Variants in XDH observed in about 807,000 individuals in gnomAD.
XDH encodes xanthine dehydrogenase/oxidase.
XDH carries 138 observed loss-of-function variants against 156.1 expected under a neutral mutation model. That is an observed-to-expected ratio of 0.88 (90% CI 0.77 to 1.02). XDH has a LOEUF of 1.02. Ranked by LOEUF, XDH falls within the 50% of genes least tolerant of loss-of-function variation. The pLI, the probability that XDH is intolerant of heterozygous loss-of-function variation, is 0.00. For synonymous variants in XDH, 669 were observed against 625.7 expected (o/e 1.07, Z -1.03); for missense variants, 1,849 against 1,684.9 (o/e 1.10, Z -1.71).
chr2:31,405,684 G>C (rs933973423), intron 2 of XDH, among the ~76,000 whole-genome samples: 1 of 152,096 alleles, frequency 6.6e-6, no homozygotes, highest in Non-Finnish European at 1.5e-5. Flanking sequence ...GAGTCTTAGC[G>C]GGGAGACACC....
Position 31,368,676 on chromosome 2 carries a change from G to T in XDH, c.1981-16C>A, listed in dbSNP as rs1685989042. The T allele has an allele frequency of 6.2e-7, 1 of 1,614,088 alleles. No individual in the cohort carries two copies. Among genetic ancestry groups the T allele is most frequent in the South Asian group, 1.1e-5 (1 of 91,082 alleles). ...CACAAGTAACCTAGTAGCAGAGACA[G>T]ACTGTTAAAGAACGCAACCAGGCTC... On this transcript the variant is annotated splice_polypyrimidine_tract_variant and intron_variant, in intron 18 of 35. Coordinates refer to ENST00000379416, the MANE Select transcript of XDH (RefSeq NM_000379.4).
intron 26 of XDH, 151 bp downstream of exon 26, chr2:31,349,535 A>AGATCTTACAAT: frequency 1.7e-6 from 2 of 1,153,032 alleles, no homozygotes; most frequent in Non-Finnish European, 2.6e-6. Context: ...GATCATTATA[A>AGATCTTACAAT]GATCTTAAAG....
Position 31,337,658 on chromosome 2 carries a change from C to G in XDH, c.3934G>C (p.Asp1312His). 1 of 1,614,142 alleles carries G rather than the reference C, an allele frequency of 6.2e-7. No homozygotes were observed. The highest frequency in any genetic ancestry group is 8.5e-7 in the Non-Finnish European group (1 of 1,180,040). The stretch of plus-strand genomic sequence containing the variant: ...CATCATACCAGGGTGGTGAACTTGT[C>G]CACGCAGGCATTGCGGATCTTCTCC... ...TPEKIRNACV[D>H]KFTTLCVTGV... The change falls in exon 35 of 36, where the codon GAC (aspartate) becomes CAC (histidine). Residue 1312 changes from aspartate to histidine, a missense_variant. Physicochemically the swap from Asp to His is moderately conservative, Grantham distance 81 (BLOSUM62 -1). Coordinates refer to ENST00000379416, the MANE Select transcript of XDH (RefSeq NM_000379.4).
intron 4 of XDH, among the ~76,000 whole-genome samples, chr2:31,399,381 A>G (rs1256006799): frequency 6.6e-6 from 1 of 152,202 alleles, no homozygotes; most frequent in Non-Finnish European, 1.5e-5. Context: ...GACTGAGCAG[A>G]GGAGGAGCAA....
intron 33 of XDH, among the ~76,000 whole-genome samples, chr2:31,340,278 G>T (rs1572508288): frequency 6.6e-6 from 1 of 152,158 alleles, no homozygotes; most frequent in African/African-American, 2.4e-5. Context: ...GTACTGGCTT[G>T]GTGCCTGGCC....
chr2:31,340,037 T>C (rs1685083560), intron 33 of XDH, among the ~76,000 whole-genome samples: 1 of 152,178 alleles, frequency 6.6e-6, no homozygotes, highest in Non-Finnish European at 1.5e-5. Flanking sequence ...GATAGTAGAT[T>C]CTTTGAGACT....
chr2:31,367,090 A>G, intron 20 of XDH, 96 bp from the exon 21 acceptor site: 2 of 1,598,610 alleles, frequency 1.3e-6, no homozygotes, highest in Non-Finnish European at 8.5e-7. Flanking sequence ...TGGTCTGGGC[A>G]GGAAGCAATG....
chr2:31,383,122 C>G lies in XDH; in HGVS notation c.917G>C (p.Ser306Thr), dbSNP rs761493532. Residue 306 changes from serine (S) to threonine (T), a missense_variant, in exon 11 of 36, where the codon AGC becomes ACC. Ser to Thr is a moderately conservative substitution (Grantham distance 58, BLOSUM62 1). Coordinates refer to ENST00000379416, the MANE Select transcript of XDH (RefSeq NM_000379.4). Reference protein sequence around the residue: ...GISFGAACPLSIVEKTLVDAV... With the variant: ...GISFGAACPLTIVEKTLVDAV... The stretch of plus-strand genomic sequence containing the variant: ...ATCCACCAGGGTTTTTTCCACAATG[C>G]TCAGGGGGCAAGCAGCTCCAAAGGA... The G allele has an allele frequency of 6.2e-7, 1 of 1,614,162 alleles. No homozygotes were observed. The highest frequency in any genetic ancestry group is 8.5e-7 in the Non-Finnish European group (1 of 1,180,034).
rs1217519799 is a variant in XDH at position 31,404,447 on chromosome 2, C to G, written c.101-1303G>C. ...CCCATCTGGAACTCCCATAAATTGA[C>G]TCTCAGCACAGATAGCCATAAGCTG... On this transcript the variant is annotated intron_variant, in intron 2 of 35. Transcript: ENST00000379416. Among the ~76,000 whole-genome samples, 3 of 152,152 alleles carry G rather than the reference C, an allele frequency of 2.0e-5. No individual in the cohort carries two copies. In the East Asian group the frequency reaches 5.8e-4, roughly 29 times the overall value.
chr2:31,398,442 C>A, intron 5 of XDH, 131 bp downstream of exon 5: 1 of 1,536,088 alleles, frequency 6.5e-7, no homozygotes, highest in Non-Finnish European at 8.9e-7. Context: ...TCTTAGTCAC[C>A]ACCTTGTTGG....
chr2:31,410,807 C>T (rs1355335048), intron 1 of XDH, among the ~76,000 whole-genome samples: 1 of 152,098 alleles, frequency 6.6e-6, no homozygotes, highest in Non-Finnish European at 1.5e-5. Context: ...AGGAGCTGTT[C>T]TAGATTAGAG....
At chr2:31,351,677 A>C (rs1041191720) in intron 24 of XDH, among the ~76,000 whole-genome samples, 5 of 152,252 alleles carry the variant, frequency 3.3e-5, no homozygotes, top group African/African-American at 1.2e-4. Context: ...TCTTCATAAG[A>C]AAGGGTACAC....
chr2:31,390,227 G>C (rs45454599), intron 6 of XDH, among the ~76,000 whole-genome samples: 394 of 152,170 alleles, frequency 2.6e-3, no homozygotes, highest in African/African-American at 9.1e-3. Flanking sequence ...TGCCTCCATG[G>C]TTTTGTCTTT....
chr2:31,352,552 T>C (rs112264808), intron 24 of XDH, among the ~76,000 whole-genome samples: 5 of 152,214 alleles, frequency 3.3e-5, no homozygotes, highest in African/African-American at 7.2e-5. Flanking sequence ...TCCCCTGCCA[T>C]ATTGTGAATT....
At chr2:31,349,205 C>T (rs984246642) in intron 26 of XDH, among the ~76,000 whole-genome samples, 9 of 152,160 alleles carry the variant, frequency 5.9e-5, no homozygotes, top group Non-Finnish European at 1.2e-4. Flanking sequence ...GTCATCATCT[C>T]CAGGAGGCAC....
chr2:31,406,522 C>T (rs1256760921), intron 1 of XDH, among the ~76,000 whole-genome samples: 1 of 152,174 alleles, frequency 6.6e-6, no homozygotes. Context: ...TATGGCAACT[C>T]CATAAGAATG....
At chr2:31,352,104 T>C (rs991353683) in intron 24 of XDH, among the ~76,000 whole-genome samples, 1 of 152,180 alleles carries the variant, frequency 6.6e-6, no homozygotes, top group Non-Finnish European at 1.5e-5. Flanking sequence ...TCTTTCTTTC[T>C]GAAATGTCTA....
intron 24 of XDH, among the ~76,000 whole-genome samples, chr2:31,351,124 C>A (rs936746261): frequency 1.3e-5 from 2 of 152,146 alleles, no homozygotes; most frequent in African/African-American, 4.8e-5. Flanking sequence ...AGCCCTCACC[C>A]CTACCAGCTT....
rs1686095402 is a variant in XDH, at chr2:31,372,319, C to G, written c.1765G>C (p.Gly589Arg). 6.2e-7 allele frequency: 1 copy of G among 1,614,204 alleles called. No individual in the cohort carries two copies. The highest frequency in any genetic ancestry group is 8.5e-7 in the Non-Finnish European group (1 of 1,180,044). The change falls in exon 17 of 36, where the codon GGT (glycine) becomes CGT (arginine). Residue 589 changes from glycine to arginine, a missense_variant. Gly to Arg is a moderately radical substitution (Grantham distance 125, BLOSUM62 -2). Transcript: ENST00000379416. ...ATGTCGTCACAGTACACGGCCTCAC[C>G]AGAGGCCTGCATGTCCGCTGCCAGG... ...PHLAADMQAS[G>R]EAVYCDDIPR...
Sources: gnomAD v4.1 joint callset for allele counts (sites outside exome capture counted in the v4.1 genomes callset) on GRCh38, gnomAD v4.1.1 for gene constraint, MANE v1.5 for transcripts, NCBI Gene and HGNC (gene_info 2026-07-23, HGNC 2026-07-21) for gene names.